Variants in ELOVL5 observed in about 807,000 individuals in gnomAD.
The protein encoded by ELOVL5 is very long chain fatty acid elongase 5.
In ELOVL5, 8 loss-of-function variants were observed where a neutral mutation model predicts 38.6. The observed-to-expected ratio is 0.21, with a 90% CI of 0.12 to 0.37. The LOEUF (loss-of-function observed/expected upper bound fraction) is 0.37. ELOVL5 is among the 10% of genes least tolerant of loss of function. ELOVL5 has a pLI of 1.00. For synonymous variants in ELOVL5, 127 were observed against 133.7 expected, an observed-to-expected ratio of 0.95 and a Z score of 0.34; for missense variants, 280 against 367.8, an observed-to-expected ratio of 0.76 and a Z score of 1.95.
intron 1 of ELOVL5, among the ~76,000 whole-genome samples, chr6:53,325,758 T>C (rs1049575955): frequency 9.2e-5 from 14 of 151,980 alleles, no homozygotes; most frequent in African/African-American, 3.4e-4. Context: ...AGGAGTGGGC[T>C]GCCACAATCT....
At chr6:53,338,915 G>A (rs566707113) in intron 1 of ELOVL5, among the ~76,000 whole-genome samples, 7 of 152,062 alleles carry the variant, frequency 4.6e-5, no homozygotes, top group Non-Finnish European at 7.4e-5. Flanking sequence ...ATTAAAAGAC[G>A]GTGGAGAAAC....
chr6:53,310,400 C>T (rs2127582494), intron 1 of ELOVL5, among the ~76,000 whole-genome samples: 2 of 150,422 alleles, frequency 1.3e-5, no homozygotes, highest in South Asian at 4.2e-4. Context: ...GTTTATATGG[C>T]TTAGGGTAGG....
chr6:53,327,770 T>C (rs1768613689), intron 1 of ELOVL5, among the ~76,000 whole-genome samples: 1 of 152,358 alleles, frequency 6.6e-6, no homozygotes, highest in East Asian at 1.9e-4. Flanking sequence ...TCCATCGTTC[T>C]GCTTATACTC....
intron 2 of ELOVL5, chr6:53,294,591 C>CTAA (rs1252728589): frequency 2.2e-6 from 3 of 1,387,436 alleles, no homozygotes; most frequent in East Asian, 5.0e-5. Context: ...GTAATGCAAG[C>CTAA]TAATAATTAT....
chr6:53,304,785 T>C (rs990582688), intron 1 of ELOVL5, among the ~76,000 whole-genome samples: 5 of 152,242 alleles, frequency 3.3e-5, no homozygotes, highest in African/African-American at 1.2e-4. Context: ...GAAGAATTTT[T>C]CTTAGTACAG....
intron 6 of ELOVL5, among the ~76,000 whole-genome samples, 198 bp downstream of exon 6, chr6:53,273,022 T>C (rs900114699): frequency 1.3e-5 from 2 of 152,236 alleles, no homozygotes; most frequent in African/African-American, 4.8e-5. Flanking sequence ...TTCAACTAGC[T>C]GTATGCCCAT....
At chr6:53,343,811 C>G (rs1330601388) in intron 1 of ELOVL5, among the ~76,000 whole-genome samples, 2 of 152,162 alleles carry the variant, frequency 1.3e-5, no homozygotes, top group Non-Finnish European at 2.9e-5. Flanking sequence ...ATGTACTTTA[C>G]TATAAACCTG....
intron 1 of ELOVL5, among the ~76,000 whole-genome samples, chr6:53,312,812 C>A (rs1767897487): frequency 6.6e-6 from 1 of 152,194 alleles, no homozygotes; most frequent in African/African-American, 2.4e-5. Context: ...CAATCAACTT[C>A]CCCAACCCAA....
At chr6:53,340,908 G>A (rs996006967) in intron 1 of ELOVL5, among the ~76,000 whole-genome samples, 4 of 152,146 alleles carry the variant, frequency 2.6e-5, no homozygotes, top group African/African-American at 9.7e-5. Context: ...AAGAATGTGA[G>A]TGTCTTTCCC....
chr6:53,282,338 C>T (rs1049519730), intron 3 of ELOVL5, among the ~76,000 whole-genome samples: 1 of 152,234 alleles, frequency 6.6e-6, no homozygotes, highest in Non-Finnish European at 1.5e-5. Flanking sequence ...CCTAGCTACA[C>T]CAGCTGCAGA....
At chr6:53,313,686 A>T (rs1050676778) in intron 1 of ELOVL5, among the ~76,000 whole-genome samples, 1 of 152,206 alleles carries the variant, frequency 6.6e-6, no homozygotes. Context: ...AGACTGTCAG[A>T]TTCCAGATGT....
intron 1 of ELOVL5, among the ~76,000 whole-genome samples, chr6:53,317,589 A>C (rs1266649084): frequency 6.6e-6 from 1 of 152,104 alleles, no homozygotes; most frequent in Non-Finnish European, 1.5e-5. Context: ...GTGGGAACTG[A>C]ACAATGAGAA....
chr6:53,287,598 T>C lies in ELOVL5; in HGVS notation c.246+4178A>G, dbSNP rs1766620494. On this transcript the variant is annotated intron_variant, in intron 3 of 7. Transcript: ENST00000304434. ...TCTAGAGTTGAGTCCTCTTCCTTAG[T>C]ACGCTCATGGCTTCACAGAGGAATT... Among the ~76,000 whole-genome samples the C allele has an allele frequency of 2.0e-5, 3 of 152,204 alleles. No homozygotes were observed. In the South Asian group the frequency reaches 6.2e-4, roughly 31 times the overall value.
At chr6:53,287,978 G>T in intron 3 of ELOVL5, 1 of 1,492,728 alleles carries the variant, frequency 6.7e-7, no homozygotes, top group South Asian at 1.2e-5. Context: ...TCTGCTTAGG[G>T]TCTAAGAGGT....
intron 3 of ELOVL5, among the ~76,000 whole-genome samples, chr6:53,289,308 T>C (rs966373786): frequency 2.0e-5 from 3 of 152,214 alleles, no homozygotes; most frequent in Admixed American, 6.5e-5. Context: ...TCCTGGGACA[T>C]TTCTCTAAAA....
intron 1 of ELOVL5, among the ~76,000 whole-genome samples, chr6:53,329,477 C>CT (rs939081518): frequency 1.8e-4 from 28 of 152,132 alleles, no homozygotes; most frequent in Admixed American, 1.2e-3. Context: ...CAAATCTTAT[C>CT]TTTTTTTCCT....
chr6:53,321,720 T>C (rs1458940397), intron 1 of ELOVL5, among the ~76,000 whole-genome samples: 4 of 152,214 alleles, frequency 2.6e-5, no homozygotes, highest in Non-Finnish European at 5.9e-5. Flanking sequence ...TGTAAAACAC[T>C]ATACTAGTAT....
At position 53,309,461 on chromosome 6, in the gene ELOVL5, T is replaced by C. The variant is rs16883715; in HGVS notation, c.-8-13754A>G. The stretch of plus-strand genomic sequence containing the variant: ...TCCTAAACTGAGCTGCTTCCTATTA[T>C]ATTCGTTTCATTACCTAGACTACAG... On this transcript the variant is annotated intron_variant, in intron 1 of 7. Transcript: ENST00000304434. Among the ~76,000 whole-genome samples the C allele has an allele frequency of 2.3e-3, 356 of 152,294 alleles. 2 individuals are homozygous for C. Among genetic ancestry groups the C allele is most frequent in the African/African-American group, 7.8e-3 (326 of 41,554 alleles).
chr6:53,269,251 GC>G lies in ELOVL5; in HGVS notation c.775del (p.Ala259ProfsTer8). 6.2e-7 allele frequency: 1 copy of G among 1,610,686 alleles called. No homozygotes were observed. The highest frequency in any genetic ancestry group is 8.5e-7 in the Non-Finnish European group (1 of 1,178,368). ...FYIQTYNKKG[A>X]SRRKDHLKDH... ...CTTCAGGTGGTCTTTCCTTCGGGAGGCCCCTTTCTTGTTGTAGGTCTAAAAT... is the reference window on the plus strand; with the variant it reads ...CTTCAGGTGGTCTTTCCTTCGGGAGGCCCTTTCTTGTTGTAGGTCTAAAAT... On this transcript the variant is annotated frameshift_variant, in exon 8 of 8. Transcript: ENST00000304434. LOFTEE classifies it high-confidence loss of function.
Sources: allele counts gnomAD v4.1 joint callset (sites outside exome capture counted in the v4.1 genomes callset), GRCh38; gene constraint gnomAD v4.1.1; transcripts MANE v1.5; gene names NCBI Gene and HGNC (gene_info 2026-07-23, HGNC 2026-07-21).